The following ABCC4 variants were observed in gnomAD, a reference collection of about 807,000 sequenced individuals.
ABCC4 encodes ATP-binding cassette sub-family C member 4.
ABCC4 carries 102 observed loss-of-function variants against 168.5 expected under a neutral mutation model. The observed-to-expected ratio is 0.61, with a 90% CI of 0.52 to 0.71. ABCC4 has a LOEUF of 0.71. Ranked by LOEUF, ABCC4 falls within the 30% of genes least tolerant of loss-of-function variation. The pLI is 0.00. For synonymous variants in ABCC4, 617 were observed against 590.7 expected (o/e 1.04, Z -0.65); for missense variants, 1,402 against 1,605.8 (o/e 0.87, Z 2.17).
intron 30 of ABCC4, among the ~76,000 whole-genome samples, chr13:95,024,980 C>T (rs2031319894): frequency 6.6e-6 from 1 of 151,936 alleles, no homozygotes; most frequent in Admixed American, 6.6e-5. Flanking sequence ...AAGAGCAAGC[C>T]TCAACAATCA....
At chr13:95,121,921 T>C (rs1293631963) in intron 19 of ABCC4, among the ~76,000 whole-genome samples, 1 of 152,166 alleles carries the variant, frequency 6.6e-6, no homozygotes, top group African/African-American at 2.4e-5. Context: ...ACAGAAATGT[T>C]CACAGCACTT....
intron 30 of ABCC4, among the ~76,000 whole-genome samples, chr13:95,028,777 G>GA (rs563727749): frequency 1.6e-4 from 24 of 152,070 alleles, no homozygotes; most frequent in African/African-American, 5.5e-4. Context: ...CATTCACCAG[G>GA]AAAAAAACAA....
chr13:95,204,033 G>A (rs1410289131), intron 8 of ABCC4, among the ~76,000 whole-genome samples: 3 of 152,064 alleles, frequency 2.0e-5, no homozygotes, highest in South Asian at 2.1e-4. Flanking sequence ...GGCCTTGCTC[G>A]GCAGGAACAA....
chr13:95,029,172 A>ATCTATATCTATATCTATATC lies in ABCC4; in HGVS notation c.3870+5432_3870+5433insGATATAGATATAGATATAGA, dbSNP rs778904308. Among the ~76,000 whole-genome samples the ATCTATATCTATATCTATATC allele has an allele frequency of 7.7e-4, 47 of 60,768 alleles. 2 individuals are homozygous for ATCTATATCTATATCTATATC. The highest frequency in any genetic ancestry group is 2.4e-3 in the African/African-American group (36 of 14,804). The allele number at this position is 60,768 out of a possible 152,430, so 39.9% of individuals were successfully genotyped here. A position where few individuals can be genotyped will look rare whatever the true frequency, so the allele number is the denominator to read the frequency against. ...AAACTGCTTTAAAAAAAATACATAT[A>ATCTATATCTATATCTATATC]TATATATATATATATATATATATAT... On this transcript the variant is annotated intron_variant, in intron 30 of 30. Transcript: ENST00000645237.
At chr13:95,205,071 A>C (rs2038742681) in intron 8 of ABCC4, among the ~76,000 whole-genome samples, 1 of 152,252 alleles carries the variant, frequency 6.6e-6, no homozygotes, top group Non-Finnish European at 1.5e-5. Context: ...ACATGAAAAA[A>C]GTGTTACTGA....
intron 19 of ABCC4, among the ~76,000 whole-genome samples, chr13:95,129,145 G>A (rs1287818693): frequency 6.6e-6 from 1 of 152,128 alleles, no homozygotes; most frequent in Non-Finnish European, 1.5e-5. Context: ...TGCTGTTGAC[G>A]ATTGCATTTA....
rs16950758 is a variant in ABCC4, at chr13:95,210,855, T to G, written c.532-74A>C. The G allele has an allele frequency of 5.4e-3, 6,024 of 1,119,998 alleles. 105 individuals are homozygous for G. Among genetic ancestry groups the G allele is most frequent in the African/African-American group, 0.05 (3,305 of 65,602 alleles). The allele number at this position is 1,119,998 out of a possible 1,614,324, so 69.4% of individuals were successfully genotyped here. A position where few individuals can be genotyped will look rare whatever the true frequency, so the allele number is the denominator to read the frequency against. On this transcript the variant is annotated intron_variant, in intron 4 of 30. Coordinates refer to ENST00000645237, the MANE Select transcript of ABCC4 (RefSeq NM_005845.5). ...AGTCAGGCTTAGGACACAGCAGACC[T>G]GAGGAAGTCTCGTGTGATGTCAAGA...
At chr13:95,052,790 C>T (rs2032896571) in intron 27 of ABCC4, among the ~76,000 whole-genome samples, 1 of 152,190 alleles carries the variant, frequency 6.6e-6, no homozygotes, top group Non-Finnish European at 1.5e-5. Context: ...AACTTAGTCA[C>T]TAATAGGATC....
intron 1 of ABCC4, among the ~76,000 whole-genome samples, chr13:95,253,757 C>T (rs2040327404): frequency 6.6e-6 from 1 of 151,712 alleles, no homozygotes; most frequent in Non-Finnish European, 1.5e-5. Context: ...AAAAACAACA[C>T]AGAAACAAAA....
At chr13:95,051,591 C>T (rs1334924494) in intron 27 of ABCC4, among the ~76,000 whole-genome samples, 1 of 151,902 alleles carries the variant, frequency 6.6e-6, no homozygotes, top group Non-Finnish European at 1.5e-5. Context: ...TGTCCAGGCT[C>T]CACACTTCTT....
At chr13:95,042,392 G>T (rs948962219) in intron 29 of ABCC4, among the ~76,000 whole-genome samples, 1 of 152,096 alleles carries the variant, frequency 6.6e-6, no homozygotes, top group Non-Finnish European at 1.5e-5. Context: ...ATGGTGTAGA[G>T]AGGGCATGAC....
At chr13:95,064,500 C>T (rs536748351) in intron 25 of ABCC4, among the ~76,000 whole-genome samples, 162 of 83,048 alleles carry the variant, frequency 2.0e-3, no homozygotes, top group Non-Finnish European at 2.7e-3. Flanking sequence ...CACACACACA[C>T]GTGTATGTGT....
intron 1 of ABCC4, among the ~76,000 whole-genome samples, chr13:95,300,656 T>C (rs1057409925): frequency 1.3e-5 from 2 of 151,942 alleles, no homozygotes; most frequent in African/African-American, 2.4e-5. Context: ...GACGTGGAGT[T>C]GGATCGAGCT....
chr13:95,301,270 G>A lies in ABCC4; in HGVS notation c.45C>T (p.Asp15=), dbSNP rs1447672825. Residue 15 remains aspartate (D), a synonymous_variant, in exon 1 of 31, where the codon GAC becomes GAT. Coordinates refer to ENST00000645237, the MANE Select transcript of ABCC4 (RefSeq NM_005845.5). ...AGAACACGCGTGAGCAGAGGTTCGCGTCCTGCAGCGGGTTGGGCTTCACCT... is the reference window on the plus strand; with the variant it reads ...AGAACACGCGTGAGCAGAGGTTCGCATCCTGCAGCGGGTTGGGCTTCACCT... The part of the protein sequence containing the change: ...YQEVKPNPLQ[D]ANLCSRVFFW... 3.8e-6 allele frequency: 6 copies of A among 1,595,392 alleles called. No homozygotes were observed.
Position 95,283,367 on chromosome 13 carries a change from T to G in ABCC4, c.74+17874A>C, listed in dbSNP as rs2041177949. On this transcript the variant is annotated intron_variant, in intron 1 of 30. Transcript: ENST00000645237. ...ACCTTGAAGTTTTTCTGTGGTTTTT[T>G]TTTTTTTTTTTTTTTTTTTTTTGAG... 7.7e-5 allele frequency among the ~76,000 whole-genome samples: 5 copies of G among 65,304 alleles called. No homozygotes were observed. In the South Asian group the frequency reaches 2.7e-3, roughly 35 times the overall value. The allele number at this position is 65,304 out of a possible 152,430, so 42.8% of individuals were successfully genotyped here.
At chr13:95,103,630 T>C (rs1023759711) in intron 20 of ABCC4, among the ~76,000 whole-genome samples, 2 of 152,184 alleles carry the variant, frequency 1.3e-5, no homozygotes, top group African/African-American at 4.8e-5. Flanking sequence ...GGGCTTTCAT[T>C]AGCCACACAA....
At position 95,240,017 on chromosome 13, in the gene ABCC4, C is replaced by A. The variant is rs368841994; in HGVS notation, c.307-5183G>T. 1.2e-4 allele frequency among the ~76,000 whole-genome samples: 18 copies of A among 152,240 alleles called. No individual in the cohort carries two copies. The South Asian group carries it at 3.7e-3, about 32-fold the overall frequency. On this transcript the variant is annotated intron_variant, in intron 3 of 30. Coordinates refer to ENST00000645237, the MANE Select transcript of ABCC4 (RefSeq NM_005845.5). ...AGGTATCTCGAAGTGGCAGGTGGTA[C>A]ACACCCTCACCTACAAAGTACTCTT...
chr13:95,206,902 G>T, intron 7 of ABCC4, 121 bp from the exon 8 acceptor site: 1 of 1,172,464 alleles, frequency 8.5e-7, no homozygotes. Context: ...AGGAGTTTGA[G>T]ACCATCCTGG....
chr13:95,277,864 C>T (rs956378626), intron 1 of ABCC4, among the ~76,000 whole-genome samples: 1 of 152,238 alleles, frequency 6.6e-6, no homozygotes, highest in Admixed American at 6.5e-5. Context: ...GAGAGGGTGG[C>T]GGGGCTTCAG....
Sources: allele counts gnomAD v4.1 joint callset (sites outside exome capture counted in the v4.1 genomes callset), GRCh38; gene constraint gnomAD v4.1.1; transcripts MANE v1.5; gene names NCBI Gene and HGNC (gene_info 2026-07-23, HGNC 2026-07-21).